The following ERBB4 variants were observed in gnomAD, a reference collection of about 807,000 sequenced individuals.
The protein encoded by ERBB4 is erb-b2 receptor tyrosine kinase 4, also known as receptor tyrosine-protein kinase erbB-4.
In ERBB4, 42 loss-of-function variants were observed where a neutral mutation model predicts 158.0. The observed-to-expected ratio is 0.27, with a 90% CI of 0.21 to 0.34. The LOEUF is 0.34. Ranked by LOEUF, ERBB4 falls within the 10% of genes least tolerant of loss-of-function variation. The pLI is 1.00. For synonymous variants in ERBB4, 583 were observed against 558.7 expected, an observed-to-expected ratio of 1.04 and a Z score of -0.61; for missense variants, 1,333 against 1,624.1, an observed-to-expected ratio of 0.82 and a Z score of 3.08.
At chr2:212,240,877 A>G (rs550870165) in intron 1 of ERBB4, among the ~76,000 whole-genome samples, 22 of 152,096 alleles carry the variant, frequency 1.4e-4, no homozygotes, top group Middle Eastern at 3.4e-3. Flanking sequence ...CAAGACGGAC[A>G]TTTCTCTTAT....
chr2:212,467,924 C>A (rs1471999102), intron 1 of ERBB4, among the ~76,000 whole-genome samples: 1 of 152,310 alleles, frequency 6.6e-6, no homozygotes, highest in South Asian at 2.1e-4. Flanking sequence ...TTGGAATCTA[C>A]CTCTTGCATC....
chr2:212,496,731 A>G (rs1690595651), intron 1 of ERBB4, among the ~76,000 whole-genome samples: 1 of 152,196 alleles, frequency 6.6e-6, no homozygotes, highest in Non-Finnish European at 1.5e-5. Context: ...AAGAGTATCT[A>G]TCTCTATGCT....
At chr2:211,647,663 T>C (rs368931129) in intron 16 of ERBB4, among the ~76,000 whole-genome samples, 1 of 151,780 alleles carries the variant, frequency 6.6e-6, no homozygotes, top group Non-Finnish European at 1.5e-5. Context: ...GTTCTAAATA[T>C]TTTTTGAATC....
intron 1 of ERBB4, among the ~76,000 whole-genome samples, chr2:212,395,395 CAAAT>C (rs1211282876): frequency 2.0e-5 from 3 of 151,336 alleles, no homozygotes; most frequent in Non-Finnish European, 2.9e-5. Context: ...ATTATATTAT[CAAAT>C]AAATAAATAA....
At chr2:211,564,225 C>A (rs1054103996) in intron 19 of ERBB4, among the ~76,000 whole-genome samples, 1 of 152,118 alleles carries the variant, frequency 6.6e-6, no homozygotes, top group Non-Finnish European at 1.5e-5. Flanking sequence ...AACTGAGAAG[C>A]AACCCAATAA....
intron 1 of ERBB4, among the ~76,000 whole-genome samples, chr2:212,424,452 T>C (rs998515044): frequency 3.3e-5 from 5 of 152,126 alleles, no homozygotes; most frequent in Admixed American, 6.6e-5. Flanking sequence ...GTAAAGTCCA[T>C]CTATGCACAT....
chr2:212,017,578 T>C (rs2076556993), intron 2 of ERBB4, among the ~76,000 whole-genome samples: 1 of 152,202 alleles, frequency 6.6e-6, no homozygotes, highest in Non-Finnish European at 1.5e-5. Context: ...TATACAATGT[T>C]GTTGCATATA....
chr2:211,956,838 T>C (rs1189741099), intron 2 of ERBB4, among the ~76,000 whole-genome samples: 13 of 152,018 alleles, frequency 8.6e-5, no homozygotes, highest in Non-Finnish European at 1.5e-4. Context: ...TTCATGTATA[T>C]ATTTGTTTGT....
At chr2:211,943,943 T>C (rs931473029) in intron 3 of ERBB4, among the ~76,000 whole-genome samples, 2 of 151,536 alleles carry the variant, frequency 1.3e-5, no homozygotes, top group Non-Finnish European at 2.9e-5. Context: ...ACAGTCTTCA[T>C]GTTAACTAAT....
At chr2:211,964,702 C>A (rs547577274) in intron 2 of ERBB4, among the ~76,000 whole-genome samples, 3 of 152,132 alleles carry the variant, frequency 2.0e-5, no homozygotes, top group Non-Finnish European at 4.4e-5. Flanking sequence ...TTAGCTGACA[C>A]AGTTACCTCA....
intron 15 of ERBB4, among the ~76,000 whole-genome samples, chr2:211,661,856 G>A (rs1559392258): frequency 6.7e-6 from 1 of 150,176 alleles, no homozygotes; most frequent in Non-Finnish European, 1.5e-5. Flanking sequence ...CGGCTAAAAC[G>A]GTGAAACCCC....
chr2:211,948,670 A>G (rs1276928351), intron 2 of ERBB4, among the ~76,000 whole-genome samples: 1 of 151,628 alleles, frequency 6.6e-6, no homozygotes, highest in Non-Finnish European at 1.5e-5. Context: ...AAAAAAAACT[A>G]AAAATGATAA....
intron 6 of ERBB4, 90 bp downstream of exon 6, chr2:211,724,986 G>C (rs1469198864): frequency 2.2e-5 from 22 of 1,018,792 alleles, no homozygotes; most frequent in African/African-American, 4.7e-5. Context: ...AAGTTGATCT[G>C]ATTGTAATAA....
At chr2:211,894,360 A>G (rs1311814079) in intron 3 of ERBB4, among the ~76,000 whole-genome samples, 7 of 146,244 alleles carry the variant, frequency 4.8e-5, no homozygotes, top group African/African-American at 1.5e-4. Flanking sequence ...GAATTGAACA[A>G]TGAGATCACA....
intron 1 of ERBB4, among the ~76,000 whole-genome samples, chr2:212,375,488 G>T (rs2090288498): frequency 6.6e-6 from 1 of 152,020 alleles, no homozygotes; most frequent in Admixed American, 6.6e-5. Flanking sequence ...TATGTGTGTG[G>T]TTCGTGTTTA....
chr2:211,801,910 G>A (rs576022963), intron 3 of ERBB4, among the ~76,000 whole-genome samples: 5 of 152,234 alleles, frequency 3.3e-5, no homozygotes, highest in African/African-American at 1.2e-4. Context: ...TCTAGTTCAT[G>A]CTACCTAGCT....
chr2:211,738,016 C>T (rs554115123), intron 5 of ERBB4, among the ~76,000 whole-genome samples: 21 of 151,696 alleles, frequency 1.4e-4, no homozygotes, highest in African/African-American at 5.1e-4. Flanking sequence ...TCGTTTCATG[C>T]ATATGATAAT....
At chr2:212,246,834 C>A (rs1429551260) in intron 1 of ERBB4, among the ~76,000 whole-genome samples, 2 of 152,090 alleles carry the variant, frequency 1.3e-5, no homozygotes, top group African/African-American at 4.8e-5. Context: ...TCCTATGTGA[C>A]TAAATTTCTT....
At chr2:212,391,695 TTA>T (rs1209216943) in intron 1 of ERBB4, among the ~76,000 whole-genome samples, 20 of 95,266 alleles carry the variant, frequency 2.1e-4, no homozygotes, top group African/African-American at 6.0e-4. Flanking sequence ...ATATATTATA[TTA>T]TATATTATAT....
Sources: allele counts gnomAD v4.1 joint callset (sites outside exome capture counted in the v4.1 genomes callset), GRCh38; gene constraint gnomAD v4.1.1; transcripts MANE v1.5; gene names NCBI Gene and HGNC (gene_info 2026-07-23, HGNC 2026-07-21).